Variants in SUN3 observed in about 807,000 individuals in gnomAD.
SUN3 encodes the protein SUN domain-containing protein 3.
A neutral mutation model predicts 48.2 loss-of-function variants in SUN3; 36 were observed. That is an observed-to-expected ratio of 0.75 (90% CI 0.57 to 0.99). The LOEUF (loss-of-function observed/expected upper bound fraction) is 0.99. Among genes scored for constraint, SUN3 ranks in the 50% least tolerant of loss-of-function variants. The probability of loss-of-function intolerance (pLI) is 0.00; values close to 1 mark genes in which losing one functional copy is unlikely to be tolerated. For missense variants in SUN3, 419 were observed against 433.1 expected, an observed-to-expected ratio of 0.97 and a Z score of 0.29; for synonymous variants, 148 against 147.9, an observed-to-expected ratio of 1.00 and a Z score of 0.00.
At position 47,992,836 on chromosome 7, in the gene SUN3, G is replaced by A. The variant is rs116692062; in HGVS notation, c.861+1479C>T. Among the ~76,000 whole-genome samples, 1,373 of 152,190 alleles carry A rather than the reference G, an allele frequency of 9.0e-3. 19 individuals are homozygous for A. Among genetic ancestry groups the A allele is most frequent in the African/African-American group, 0.03 (1,248 of 41,518 alleles). On this transcript the variant is annotated intron_variant, in intron 8 of 9. Transcript: ENST00000297325. ...GAATTTGGGAAAGTTTTAGTAATAG[G>A]AATGCAGAAAACTAAGCAAATTAAA...
chr7:47,999,761 C>G (rs2128773008), intron 6 of SUN3, among the ~76,000 whole-genome samples: 1 of 152,348 alleles, frequency 6.6e-6, no homozygotes, highest in African/African-American at 2.4e-5. Context: ...TCTCGAACTC[C>G]TGACCTCAAT....
chr7:48,000,473 T>C (rs1380990075), intron 6 of SUN3, among the ~76,000 whole-genome samples: 2 of 152,236 alleles, frequency 1.3e-5, no homozygotes, highest in Non-Finnish European at 2.9e-5. Context: ...GCTGTTGCTC[T>C]TTCTTCATTC....
At position 48,017,492 on chromosome 7, in the gene SUN3, G is replaced by T. The variant is rs73694319; in HGVS notation, c.185-127C>A. 9.0e-3 allele frequency: 5,764 copies of T among 641,298 alleles called. 276 individuals are homozygous for T. The African/African-American group carries it at 0.099, about 11-fold the overall frequency. The allele number at this position is 641,298 out of a possible 1,614,324, so 39.7% of individuals were successfully genotyped here. A position where few individuals can be genotyped will look rare whatever the true frequency, so the allele number is the denominator to read the frequency against. ...ACTCTTAAGAATATCAGATCCTTGG[G>T]TGACATCATGGAAAATGGTGGAATA... On this transcript the variant is annotated intron_variant, in intron 2 of 9. Coordinates refer to ENST00000297325, the MANE Select transcript of SUN3 (RefSeq NM_001030019.2).
chr7:48,023,312 G>A (rs902852925), intron 2 of SUN3, among the ~76,000 whole-genome samples: 2 of 152,102 alleles, frequency 1.3e-5, no homozygotes, highest in African/African-American at 2.4e-5. Context: ...CTGAATAGGA[G>A]CAGAGTATTT....
intron 2 of SUN3, among the ~76,000 whole-genome samples, chr7:48,017,901 T>C (rs987472859): frequency 1.3e-5 from 2 of 152,152 alleles, no homozygotes; most frequent in Non-Finnish European, 2.9e-5. Flanking sequence ...TTCAAAGACA[T>C]ACTGCCGAAG....
At chr7:48,025,618 C>T (rs867870021) in intron 2 of SUN3, among the ~76,000 whole-genome samples, 1 of 152,138 alleles carries the variant, frequency 6.6e-6, no homozygotes, top group African/African-American at 2.4e-5. Context: ...AAAGCAACAT[C>T]TATGACTAAA....
chr7:48,001,937 G>C (rs1211816794), intron 6 of SUN3, among the ~76,000 whole-genome samples: 2 of 152,124 alleles, frequency 1.3e-5, no homozygotes, highest in Admixed American at 1.3e-4. Flanking sequence ...TCCCAGTAAT[G>C]GGTTTGCTGG....
intron 4 of SUN3, among the ~76,000 whole-genome samples, chr7:48,008,545 A>T (rs369761102): frequency 6.6e-6 from 1 of 152,244 alleles, no homozygotes; most frequent in Non-Finnish European, 1.5e-5. Context: ...CATAAATGAC[A>T]TGGAAAGCAC....
At chr7:48,024,999 T>G (rs1282622757) in intron 2 of SUN3, among the ~76,000 whole-genome samples, 1 of 152,146 alleles carries the variant, frequency 6.6e-6, no homozygotes, top group Non-Finnish European at 1.5e-5. Context: ...TGTAAAATAG[T>G]GCAGCCATTG....
intron 7 of SUN3, 151 bp from the exon 8 acceptor site, chr7:47,994,633 G>A (rs1398304946): frequency 1.4e-6 from 1 of 707,846 alleles, no homozygotes; most frequent in Non-Finnish European, 2.2e-6. Context: ...TGTTCTTCCA[G>A]AGCACTGTAT....
intron 6 of SUN3, among the ~76,000 whole-genome samples, chr7:47,997,323 C>T (rs1789240999): frequency 6.6e-6 from 1 of 152,008 alleles, no homozygotes; most frequent in South Asian, 2.1e-4. Context: ...TTTAACTGGG[C>T]TCCCTTCATT....
upstream of SUN3, among the ~76,000 whole-genome samples, chr7:48,033,948 G>C (rs191859792): frequency 7.9e-5 from 12 of 152,274 alleles, no homozygotes; most frequent in Admixed American, 7.8e-4. Context: ...CAGCTACACC[G>C]GAGGCTGAGA....
intron 5 of SUN3, 103 bp downstream of exon 5, chr7:48,007,062 A>C (rs1789542391): frequency 2.6e-6 from 3 of 1,172,412 alleles, no homozygotes; most frequent in South Asian, 3.4e-5. Context: ...CTGGGAGAAG[A>C]AGCAGATGTG....
chr7:47,996,998 C>T (rs202172083), intron 6 of SUN3, among the ~76,000 whole-genome samples: 1 of 152,050 alleles, frequency 6.6e-6, no homozygotes, highest in Non-Finnish European at 1.5e-5. Flanking sequence ...GACAGGGTTT[C>T]ACCATGTTGG....
At position 48,029,054 on chromosome 7, in the gene SUN3, G is replaced by A; in HGVS notation, c.-116C>T. The A allele has an allele frequency of 7.0e-7, 1 of 1,430,236 alleles. No homozygotes were observed. Among genetic ancestry groups the A allele is most frequent in the South Asian group, 1.3e-5 (1 of 78,466 alleles). The allele number at this position is 1,430,236 out of a possible 1,614,324, so 88.6% of individuals were successfully genotyped here. On this transcript the variant is annotated 5_prime_UTR_variant, in exon 1 of 10. Transcript: ENST00000297325. ...AGTTTCTAAATTTGTTTTGTATAAT[G>A]TCTTCTTCCTCCACGGGTGTTTCTT...
At position 48,027,891 on chromosome 7, in the gene SUN3, A is replaced by T. The variant is rs534578375; in HGVS notation, c.122+926T>A. On this transcript the variant is annotated intron_variant, in intron 1 of 9. Transcript: ENST00000297325. ...TAAAAAAGTTGTTCATAGGTCAGTTATGGTCTACAAGAGCTCTTTTGGTGG... is the reference window on the plus strand; with the variant it reads ...TAAAAAAGTTGTTCATAGGTCAGTTTTGGTCTACAAGAGCTCTTTTGGTGG... Among the ~76,000 whole-genome samples the T allele has an allele frequency of 7.2e-5, 11 of 152,318 alleles. No homozygotes were observed. In the South Asian group the frequency reaches 1.7e-3, roughly 23 times the overall value.
intron 8 of SUN3, among the ~76,000 whole-genome samples, chr7:47,992,934 T>C (rs1583743297): frequency 6.6e-6 from 1 of 152,212 alleles, no homozygotes; most frequent in East Asian, 1.9e-4. Context: ...GGGAGGATCC[T>C]GAGCCCTGGA....
At chr7:47,997,661 C>A (rs761925720) in intron 6 of SUN3, among the ~76,000 whole-genome samples, 5 of 152,176 alleles carry the variant, frequency 3.3e-5, no homozygotes, top group Admixed American at 6.5e-5. Context: ...TGCACGGCCA[C>A]CACAATCAAT....
At chr7:47,989,012 C>A in intron 8 of SUN3, 132 bp from the exon 9 acceptor site, 1 of 532,834 alleles carries the variant, frequency 1.9e-6, no homozygotes, top group Non-Finnish European at 3.3e-6. Flanking sequence ...CCAGTACTAA[C>A]CTATACACCC....
Sources: allele counts gnomAD v4.1 joint callset (sites outside exome capture counted in the v4.1 genomes callset), GRCh38; gene constraint gnomAD v4.1.1; transcripts MANE v1.5; gene names NCBI Gene and HGNC (gene_info 2026-07-23, HGNC 2026-07-21).